The following MCTP2 variants were observed in gnomAD, a reference collection of about 807,000 sequenced individuals.
MCTP2 encodes the protein multiple C2 and transmembrane domain containing 2.
MCTP2 carries 132 observed loss-of-function variants against 111.6 expected under a neutral mutation model. The ratio of observed to expected loss-of-function variants is 1.18; its 90% CI spans 1.03 to 1.37. MCTP2 has a LOEUF of 1.37. Ranked by LOEUF, MCTP2 falls within the 40% of genes most tolerant of loss-of-function variation. The probability of loss-of-function intolerance (pLI) is 0.00; values close to 1 mark genes in which losing one functional copy is unlikely to be tolerated. For synonymous variants in MCTP2, 395 were observed against 387.7 expected (o/e 1.02, Z -0.22); for missense variants, 1,183 against 1,067.9 (o/e 1.11, Z -1.50).
chr15:94,413,459 A>T (rs2082243222), intron 17 of MCTP2, among the ~76,000 whole-genome samples: 1 of 151,602 alleles, frequency 6.6e-6, no homozygotes, highest in Non-Finnish European at 1.5e-5. Context: ...TTTCATTTTT[A>T]CGTTCTTTAA....
At chr15:94,309,413 A>G (rs1254316076) in intron 2 of MCTP2, among the ~76,000 whole-genome samples, 1 of 152,128 alleles carries the variant, frequency 6.6e-6, no homozygotes, top group African/African-American at 2.4e-5. Context: ...GTTCAGCCAA[A>G]TTTTTACTCT....
chr15:94,383,873 T>C, intron 12 of MCTP2, 149 bp from the exon 13 acceptor site: 1 of 615,956 alleles, frequency 1.6e-6, no homozygotes, highest in South Asian at 2.0e-5. Flanking sequence ...GTCTCCTGGA[T>C]TCCCACACAG....
chr15:94,467,501 G>C (rs1281847844), intron 20 of MCTP2, among the ~76,000 whole-genome samples: 1 of 151,988 alleles, frequency 6.6e-6, no homozygotes, highest in Non-Finnish European at 1.5e-5. Flanking sequence ...GTTTTTTACT[G>C]TATGTAGCTT....
At chr15:94,478,130 C>T (rs138185002) in intron 22 of MCTP2, among the ~76,000 whole-genome samples, 2 of 152,274 alleles carry the variant, frequency 1.3e-5, no homozygotes, top group East Asian at 1.9e-4. Flanking sequence ...CTATCAAAGC[C>T]CACACACCAA....
chr15:94,262,542 A>G (rs1225654006), intron 1 of MCTP2, among the ~76,000 whole-genome samples: 2 of 152,226 alleles, frequency 1.3e-5, no homozygotes. Flanking sequence ...TCGATTTAGT[A>G]TACATTTAAA....
At chr15:94,379,667 G>T (rs892456559) in intron 12 of MCTP2, among the ~76,000 whole-genome samples, 2 of 148,926 alleles carry the variant, frequency 1.3e-5, no homozygotes, top group Non-Finnish European at 3.0e-5. Context: ...ATCGCTATTT[G>T]CCTCTCTCTC....
intron 4 of MCTP2, among the ~76,000 whole-genome samples, chr15:94,316,302 G>GT (rs1286874619): frequency 6.6e-6 from 1 of 152,124 alleles, no homozygotes; most frequent in Non-Finnish European, 1.5e-5. Flanking sequence ...GGTGGTAGCT[G>GT]TTTTTTTCCT....
At chr15:94,396,446 G>A (rs933505703) in intron 14 of MCTP2, among the ~76,000 whole-genome samples, 17 of 152,066 alleles carry the variant, frequency 1.1e-4, no homozygotes, top group Admixed American at 3.3e-4. Flanking sequence ...GGAATTGTGT[G>A]TGTGTGTATA....
intron 1 of MCTP2, among the ~76,000 whole-genome samples, chr15:94,287,939 G>A (rs2074838951): frequency 6.6e-6 from 1 of 152,162 alleles, no homozygotes; most frequent in Non-Finnish European, 1.5e-5. Flanking sequence ...AGAGGGAGGG[G>A]GAAATCCCCT....
chr15:94,257,569 GTTTTTTTTTTTTTT>G (rs760633548), intron 1 of MCTP2, among the ~76,000 whole-genome samples: 22 of 33,862 alleles, frequency 6.5e-4, no homozygotes, highest in Admixed American at 2.1e-3. Context: ...TTTCTTTGTT[GTTTTTTTTTTTTTT>G]TTTTTTTTTT....
rs1043485207 is a variant in MCTP2 at position 94,483,578 on chromosome 15, A to G, written c.*4544A>G. 3 of 152,236 alleles carry G rather than the reference A, an allele frequency of 2.0e-5. No individual in the cohort carries two copies. The highest frequency in any genetic ancestry group is 6.5e-5 in the Admixed American group (1 of 15,282). 9.4% of individuals were successfully genotyped at this position (152,236 alleles called of 1,614,324 possible). On this transcript the variant is annotated 3_prime_UTR_variant, in exon 23 of 23. Transcript: ENST00000357742. ...AGGAACTTGGATACAGCTGGAGGCC[A>G]TTATCCTTAGCAAACTAATGCAGCA...
intron 2 of MCTP2, among the ~76,000 whole-genome samples, chr15:94,310,177 G>A (rs1480869473): frequency 2.0e-5 from 3 of 152,164 alleles, no homozygotes; most frequent in East Asian, 1.9e-4. Context: ...TACGGATTTC[G>A]AAGGCATTAA....
At chr15:94,397,910 A>G (rs1197191730) in intron 14 of MCTP2, among the ~76,000 whole-genome samples, 3 of 152,224 alleles carry the variant, frequency 2.0e-5, no homozygotes, top group Admixed American at 6.5e-5. Context: ...GTTAATAGGT[A>G]TGCTTCTTAA....
intron 1 of MCTP2, among the ~76,000 whole-genome samples, chr15:94,289,345 G>C (rs547924830): frequency 2.0e-5 from 3 of 152,272 alleles, no homozygotes; most frequent in African/African-American, 7.2e-5. Flanking sequence ...AGTGTTGAAA[G>C]AAAAGTATAG....
chr15:94,429,884 G>A (rs968608335), intron 17 of MCTP2, among the ~76,000 whole-genome samples: 3 of 152,162 alleles, frequency 2.0e-5, no homozygotes, highest in African/African-American at 7.2e-5. Context: ...TACAGACTTT[G>A]TCTCAATGCA....
At chr15:94,389,120 G>A (rs1047751929) in intron 14 of MCTP2, among the ~76,000 whole-genome samples, 9 of 152,192 alleles carry the variant, frequency 5.9e-5, no homozygotes, top group Non-Finnish European at 1.3e-4. Context: ...GGACGGATGG[G>A]TTTAAGTTTA....
chr15:94,432,474 G>C (rs900021947), intron 17 of MCTP2, among the ~76,000 whole-genome samples: 1 of 152,110 alleles, frequency 6.6e-6, no homozygotes, highest in Non-Finnish European at 1.5e-5. Flanking sequence ...TTGGGTCAAA[G>C]TTCTATTCTA....
intron 14 of MCTP2, among the ~76,000 whole-genome samples, chr15:94,387,075 T>C (rs1332434852): frequency 6.6e-6 from 1 of 152,084 alleles, no homozygotes; most frequent in Non-Finnish European, 1.5e-5. Context: ...AGCATTAGCA[T>C]AGGTTACTGG....
intron 4 of MCTP2, among the ~76,000 whole-genome samples, chr15:94,320,870 G>A (rs566763514): frequency 1.3e-5 from 2 of 152,262 alleles, no homozygotes; most frequent in South Asian, 2.1e-4. Context: ...AGCAGACTGG[G>A]TGGCTCAGTG....
Sources: gnomAD v4.1 joint callset for allele counts (sites outside exome capture counted in the v4.1 genomes callset) on GRCh38, gnomAD v4.1.1 for gene constraint, MANE v1.5 for transcripts, NCBI Gene and HGNC (gene_info 2026-07-23, HGNC 2026-07-21) for gene names.